PRKCE: variants seen among roughly 807,000 people sequenced by gnomAD.
PRKCE encodes the protein protein kinase C epsilon, also known as protein kinase C epsilon type.
In PRKCE, 16 loss-of-function variants were observed where a neutral mutation model predicts 85.4. The observed-to-expected ratio is 0.19, with a 90% CI of 0.13 to 0.28. The LOEUF (loss-of-function observed/expected upper bound fraction) is 0.28. PRKCE is among the 10% of genes least tolerant of loss of function. PRKCE has a pLI of 1.00. For missense variants in PRKCE, 573 were observed against 975.2 expected, an observed-to-expected ratio of 0.59 and a Z score of 5.49; for synonymous variants, 388 against 371.5, an observed-to-expected ratio of 1.04 and a Z score of -0.51.
At chr2:45,680,239 T>G (rs1254303010) in intron 1 of PRKCE, among the ~76,000 whole-genome samples, 2 of 152,238 alleles carry the variant, frequency 1.3e-5, no homozygotes, top group Non-Finnish European at 2.9e-5. Flanking sequence ...ATTTCAGTGG[T>G]GGACACCAGC....
chr2:45,944,639 C>T lies in PRKCE; in HGVS notation c.413-31790C>T, dbSNP rs183293207. ...AAGTAGCCGGGACTACAGGTGCGTG[C>T]CACCATACCCGGCTAATTTTTTTTT... On this transcript the variant is annotated intron_variant, in intron 2 of 14. Transcript: ENST00000306156. Among the ~76,000 whole-genome samples, 1,006 of 148,550 alleles carry T rather than the reference C, an allele frequency of 6.8e-3. 14 individuals are homozygous for T. Among genetic ancestry groups the T allele is most frequent in the African/African-American group, 0.024 (962 of 40,060 alleles).
intron 1 of PRKCE, among the ~76,000 whole-genome samples, chr2:45,713,944 C>G (rs919065417): frequency 3.9e-5 from 6 of 152,238 alleles, no homozygotes; most frequent in African/African-American, 1.4e-4. Context: ...AGTAAAATGT[C>G]TCTTCCTTCA....
intron 1 of PRKCE, among the ~76,000 whole-genome samples, chr2:45,713,763 A>G (rs1264282294): frequency 6.6e-6 from 1 of 152,234 alleles, no homozygotes; most frequent in Non-Finnish European, 1.5e-5. Flanking sequence ...CCCCTGAAAA[A>G]GTGCATCTCT....
In PRKCE at chr2:45,854,420, C is replaced by A. The variant is rs536349478; in HGVS notation, c.412+11357C>A. ...CTTGCTTATTCCAGGGCCTCAATAG[C>A]CCTGGGCACAAGACCCCCAACTGGC... is the stretch of plus-strand genomic sequence containing the variant. On this transcript the variant is annotated intron_variant, in intron 2 of 14. Coordinates refer to ENST00000306156, the MANE Select transcript of PRKCE (RefSeq NM_005400.3). Among the ~76,000 whole-genome samples, 20 of 152,282 alleles carry A rather than the reference C, an allele frequency of 1.3e-4. No individual in the cohort carries two copies. The South Asian group carries it at 3.7e-3, about 28-fold the overall frequency.
intron 9 of PRKCE, 135 bp from the exon 10 acceptor site, chr2:46,010,209 C>A: frequency 2.0e-6 from 2 of 1,015,032 alleles, no homozygotes; most frequent in Non-Finnish European, 2.7e-6. Context: ...GTGCATGCCA[C>A]CACACCAGGC....
chr2:45,767,837 G>A (rs1355001646), intron 1 of PRKCE, among the ~76,000 whole-genome samples: 2 of 152,202 alleles, frequency 1.3e-5, no homozygotes, highest in African/African-American at 4.8e-5. Context: ...ACCCTTCACA[G>A]TATCACAGGT....
At chr2:45,878,163 G>A (rs530231002) in intron 2 of PRKCE, among the ~76,000 whole-genome samples, 3 of 152,350 alleles carry the variant, frequency 2.0e-5, no homozygotes, top group Admixed American at 1.3e-4. Flanking sequence ...GCCATGTGGC[G>A]AGCAGCAGAA....
At chr2:46,136,908 A>G (rs1675058951) in intron 11 of PRKCE, among the ~76,000 whole-genome samples, 1 of 152,240 alleles carries the variant, frequency 6.6e-6, no homozygotes, top group Admixed American at 6.5e-5. Context: ...TTACAGTTGC[A>G]TATACTTCAT....
At chr2:45,950,249 T>A (rs1700533054) in intron 2 of PRKCE, among the ~76,000 whole-genome samples, 1 of 152,220 alleles carries the variant, frequency 6.6e-6, no homozygotes, top group South Asian at 2.1e-4. Flanking sequence ...TTACCTTTAC[T>A]GAAAATCAAT....
At chr2:46,116,480 C>T (rs1319011061) in intron 11 of PRKCE, among the ~76,000 whole-genome samples, 1 of 152,192 alleles carries the variant, frequency 6.6e-6, no homozygotes, top group Non-Finnish European at 1.5e-5. Context: ...ATTGGAGAAA[C>T]TGCTGAGGTC....
At chr2:45,979,109 G>A in intron 4 of PRKCE, 99 bp downstream of exon 4, 1 of 1,115,740 alleles carries the variant, frequency 9.0e-7, no homozygotes, top group East Asian at 2.4e-5. Context: ...GACATTTGGA[G>A]GCTCTCCACA....
At chr2:45,689,707 G>A (rs919897273) in intron 1 of PRKCE, among the ~76,000 whole-genome samples, 1 of 151,796 alleles carries the variant, frequency 6.6e-6, no homozygotes, top group Non-Finnish European at 1.5e-5. Context: ...ACCAGCCTGG[G>A]CAACATGGTA....
intron 10 of PRKCE, among the ~76,000 whole-genome samples, chr2:46,028,652 GATA>G (rs2104931122): frequency 6.6e-6 from 1 of 152,318 alleles, no homozygotes; most frequent in African/African-American, 2.4e-5. Context: ...AGCCAAGAAT[GATA>G]ATAACTGATG....
intron 8 of PRKCE, among the ~76,000 whole-genome samples, chr2:46,006,059 G>T (rs1705167027): frequency 6.6e-6 from 1 of 152,208 alleles, no homozygotes; most frequent in Admixed American, 6.5e-5. Flanking sequence ...GATGGATACA[G>T]TGGCAGGATA....
At chr2:46,171,852 T>G (rs1305333050) in intron 14 of PRKCE, among the ~76,000 whole-genome samples, 1 of 152,092 alleles carries the variant, frequency 6.6e-6, no homozygotes, top group East Asian at 1.9e-4. Context: ...TCCGGTCCAG[T>G]GGAAAAGACA....
intron 10 of PRKCE, among the ~76,000 whole-genome samples, chr2:46,077,041 T>A (rs769010855): frequency 1.3e-5 from 2 of 152,088 alleles, no homozygotes; most frequent in African/African-American, 4.8e-5. Context: ...GTTTCAGTTA[T>A]GAAGGATGAT....
intron 10 of PRKCE, among the ~76,000 whole-genome samples, chr2:46,013,161 T>C (rs1705831096): frequency 6.6e-6 from 1 of 152,248 alleles, no homozygotes; most frequent in Non-Finnish European, 1.5e-5. Flanking sequence ...AGGAACCTGA[T>C]GAAGAATCAG....
intron 1 of PRKCE, among the ~76,000 whole-genome samples, chr2:45,753,061 A>C (rs2104761163): frequency 6.6e-6 from 1 of 152,220 alleles, no homozygotes; most frequent in East Asian, 1.9e-4. Context: ...TGGTCAGGGC[A>C]CAGGGTGTAG....
chr2:45,868,649 A>T (rs1693822934), intron 2 of PRKCE, among the ~76,000 whole-genome samples: 1 of 149,414 alleles, frequency 6.7e-6, no homozygotes, highest in East Asian at 2.0e-4. Flanking sequence ...AATAGCTGGT[A>T]GGGCTGGGCA....
Sources: allele counts gnomAD v4.1 joint callset (sites outside exome capture counted in the v4.1 genomes callset), GRCh38; gene constraint gnomAD v4.1.1; transcripts MANE v1.5; gene names NCBI Gene and HGNC (gene_info 2026-07-23, HGNC 2026-07-21).